The following CACNA2D2 variants were observed in gnomAD, a reference collection of about 807,000 sequenced individuals.
CACNA2D2 encodes voltage-dependent calcium channel subunit alpha-2/delta-2.
In CACNA2D2, 48 loss-of-function variants were observed where a neutral mutation model predicts 166.4. The ratio of observed to expected loss-of-function variants is 0.29; its 90% confidence interval spans 0.23 to 0.37. The LOEUF is 0.37. CACNA2D2 is among the 10% of genes least tolerant of loss of function. CACNA2D2 has a pLI of 1.00. For missense variants in CACNA2D2, 1,122 were observed against 1,433.0 expected, an observed-to-expected ratio of 0.78 and a Z score of 3.50; for synonymous variants, 561 against 573.7, an observed-to-expected ratio of 0.98 and a Z score of 0.32.
chr3:50,366,803 G>A lies in CACNA2D2; in HGVS notation c.2589+28C>T. 6.2e-7 allele frequency: 1 copy of A among 1,607,250 alleles called. No homozygotes were observed. The highest frequency in any genetic ancestry group is 8.5e-7 in the Non-Finnish European group (1 of 1,175,450). ...GGGACTCCAGGAAGGGCACTGCTGGGTTACTGCCCCCGCCCCTGCCCAAAT... is the reference window on the plus strand; with the variant it reads ...GGGACTCCAGGAAGGGCACTGCTGGATTACTGCCCCCGCCCCTGCCCAAAT... On this transcript the variant is annotated intron_variant, in intron 29 of 37. Coordinates refer to ENST00000424201, the MANE Select transcript of CACNA2D2 (RefSeq NM_006030.4). The surrounding 1 kb of genome is among the most constrained non-coding windows in gnomAD (Gnocchi z 5.9).
At chr3:50,420,124 AAGG>A (rs1216886917) in intron 3 of CACNA2D2, among the ~76,000 whole-genome samples, 7 of 152,256 alleles carry the variant, frequency 4.6e-5, no homozygotes, top group African/African-American at 9.6e-5. Flanking sequence ...TGTGGGGAGA[AAGG>A]AGAAGATTTT....
At chr3:50,494,288 G>A (rs1013490398) in intron 1 of CACNA2D2, among the ~76,000 whole-genome samples, 2 of 152,174 alleles carry the variant, frequency 1.3e-5, no homozygotes, top group Non-Finnish European at 2.9e-5. Context: ...TTTGTTTGCT[G>A]GAACTGGTGG....
At chr3:50,497,394 C>T (rs1414485064) in intron 1 of CACNA2D2, among the ~76,000 whole-genome samples, 2 of 152,372 alleles carry the variant, frequency 1.3e-5, no homozygotes, top group East Asian at 3.9e-4. Context: ...TTCAGAACTC[C>T]TTTGTGAATA....
intron 1 of CACNA2D2, among the ~76,000 whole-genome samples, chr3:50,497,925 G>A (rs1017323289): frequency 6.6e-6 from 1 of 152,032 alleles, no homozygotes; most frequent in Non-Finnish European, 1.5e-5. Context: ...ACCAGAAGAA[G>A]AAGAAAAGAA....
intron 1 of CACNA2D2, among the ~76,000 whole-genome samples, chr3:50,477,207 G>A (rs932461965): frequency 6.6e-6 from 1 of 151,598 alleles, no homozygotes; most frequent in Non-Finnish European, 1.5e-5. Flanking sequence ...GGGATTATAG[G>A]CATGAGCCAC....
intron 2 of CACNA2D2, among the ~76,000 whole-genome samples, chr3:50,435,289 T>C (rs1205505957): frequency 6.6e-6 from 1 of 151,536 alleles, no homozygotes; most frequent in Non-Finnish European, 1.5e-5. Flanking sequence ...CAGCTGGGTC[T>C]TGGGTGTGTG....
chr3:50,416,999 G>A (rs1021349615), intron 3 of CACNA2D2, among the ~76,000 whole-genome samples: 3 of 152,216 alleles, frequency 2.0e-5, no homozygotes, highest in African/African-American at 7.2e-5. Context: ...TGGGCTCTAC[G>A]TGTGCTCCTG....
Position 50,367,524 on chromosome 3 carries a change from A to C in CACNA2D2, c.2298-27T>G, listed in dbSNP as rs1344104424. 8 of 1,611,022 alleles carry C rather than the reference A, an allele frequency of 5.0e-6. No individual in the cohort carries two copies. Among genetic ancestry groups the C allele is most frequent in the African/African-American group, 2.7e-5 (2 of 74,850 alleles). On this transcript the variant is annotated intron_variant, in intron 26 of 37. Coordinates refer to ENST00000424201, the MANE Select transcript of CACNA2D2 (RefSeq NM_006030.4). The surrounding 1 kb of genome is among the most constrained non-coding windows in gnomAD (Gnocchi z 6.5). ...TGGAGCACCCAAGAGGCAGACTGGT[A>C]GGTAAGGGGTGGCTTGTCGGGGACA...
intron 2 of CACNA2D2, 131 bp from the exon 3 acceptor site, chr3:50,434,560 T>C: frequency 1.4e-6 from 1 of 710,022 alleles, no homozygotes; most frequent in Non-Finnish European, 2.5e-6. Flanking sequence ...CTTTGGCCTC[T>C]GAGAGAGGGC....
intron 2 of CACNA2D2, among the ~76,000 whole-genome samples, chr3:50,448,590 GCGCATGT>G (rs1206982018): frequency 6.6e-6 from 1 of 152,114 alleles, no homozygotes; most frequent in African/African-American, 2.4e-5. Flanking sequence ...CAGGTTTATG[GCGCATGT>G]TGGGGGAAGG....
chr3:50,479,162 TCTCC>T (rs751433831), intron 1 of CACNA2D2, among the ~76,000 whole-genome samples: 15 of 152,164 alleles, frequency 9.9e-5, no homozygotes, highest in Non-Finnish European at 2.1e-4. Context: ...ACACGCTCAC[TCTCC>T]CTCCCTCCTT....
At chr3:50,370,773 G>C (rs1334732443) in intron 22 of CACNA2D2, among the ~76,000 whole-genome samples, 1 of 151,962 alleles carries the variant, frequency 6.6e-6, no homozygotes, top group African/African-American at 2.4e-5. Context: ...CGCCAGTCTC[G>C]CTCTTATCAC....
At chr3:50,484,420 G>A (rs1239131511) in intron 1 of CACNA2D2, among the ~76,000 whole-genome samples, 4 of 151,958 alleles carry the variant, frequency 2.6e-5, no homozygotes, top group African/African-American at 7.3e-5. Context: ...TGTCAACTCC[G>A]TCGCACTAAG....
At chr3:50,476,782 C>T (rs903391456) in intron 1 of CACNA2D2, among the ~76,000 whole-genome samples, 2 of 152,264 alleles carry the variant, frequency 1.3e-5, no homozygotes, top group African/African-American at 2.4e-5. Flanking sequence ...CAGACGCTTA[C>T]CCGAGGCTCA....
intron 3 of CACNA2D2, among the ~76,000 whole-genome samples, chr3:50,408,818 T>C (rs937632158): frequency 6.6e-6 from 1 of 152,194 alleles, no homozygotes; most frequent in Non-Finnish European, 1.5e-5. Flanking sequence ...GCCTCACAGA[T>C]GCCTAGCAAC....
chr3:50,411,970 C>T (rs1225289546), intron 3 of CACNA2D2, among the ~76,000 whole-genome samples: 2 of 152,224 alleles, frequency 1.3e-5, no homozygotes, highest in Non-Finnish European at 2.9e-5. Flanking sequence ...CCCCCCACAA[C>T]CCCCAAACAC....
intron 2 of CACNA2D2, among the ~76,000 whole-genome samples, chr3:50,450,786 CCA>C (rs1709060924): frequency 6.6e-6 from 1 of 152,146 alleles, no homozygotes; most frequent in African/African-American, 2.4e-5. Context: ...CCCTCCCTGC[CCA>C]CAGTCACATC....
chr3:50,375,125 G>A lies in CACNA2D2; in HGVS notation c.1908-312C>T, dbSNP rs1221447383. Among the ~76,000 whole-genome samples the A allele has an allele frequency of 2.0e-5, 3 of 152,206 alleles. No individual in the cohort carries two copies. Among genetic ancestry groups the A allele is most frequent in the South Asian group, 2.1e-4 (1 of 4,828 alleles). On this transcript the variant is annotated intron_variant, in intron 21 of 37. Transcript: ENST00000424201. The surrounding 1 kb of genome is among the most constrained non-coding windows in gnomAD (Gnocchi z 4.0). ...GCCAACCTCCCTCTGACCCACAAGG[G>A]GCAGACGCTGCCGTGAGCTGGCTGC... is the stretch of plus-strand genomic sequence containing the variant.
chr3:50,453,303 G>C (rs933603455), intron 2 of CACNA2D2, among the ~76,000 whole-genome samples: 2 of 152,190 alleles, frequency 1.3e-5, no homozygotes, highest in African/African-American at 4.8e-5. Context: ...CTCTCCATCT[G>C]TACTGCACAT....
Sources: allele counts gnomAD v4.1 joint callset (sites outside exome capture counted in the v4.1 genomes callset), GRCh38; gene constraint gnomAD v4.1.1; non-coding constraint Gnocchi (gnomAD v3.1); transcripts MANE v1.5; gene names NCBI Gene and HGNC (gene_info 2026-07-23, HGNC 2026-07-21).